TGFBR3: variants seen among roughly 807,000 people sequenced by gnomAD.
TGFBR3 encodes transforming growth factor beta receptor type 3.
TGFBR3 carries 46 observed loss-of-function variants against 87.9 expected under a neutral mutation model. That is an observed-to-expected ratio of 0.52 (90% CI 0.41 to 0.67). TGFBR3 has a LOEUF of 0.67. TGFBR3 is among the 30% of genes least tolerant of loss of function. The probability of loss-of-function intolerance (pLI) is 0.00; values close to 1 mark genes in which losing one functional copy is unlikely to be tolerated. For missense variants in TGFBR3, 866 were observed against 1,041.9 expected (o/e 0.83, Z 2.32); for synonymous variants, 381 against 391.6 (o/e 0.97, Z 0.32).
intron 7 of TGFBR3, 47 bp downstream of exon 7, chr1:91,727,609 ATTG>A (rs1245954384): frequency 8.7e-6 from 14 of 1,608,882 alleles, no homozygotes; most frequent in Non-Finnish European, 1.2e-5. Flanking sequence ...TACAGCTTAA[ATTG>A]TTGTCATTTA....
At chr1:91,697,979 G>C in intron 15 of TGFBR3, 110 bp downstream of exon 15, 1 of 998,560 alleles carries the variant, frequency 1.0e-6, no homozygotes, top group Non-Finnish European at 1.6e-6. Context: ...GGGGGAATGA[G>C]AGCAGAAGTC....
chr1:91,793,805 CAAAAAA>C (rs57943201), intron 3 of TGFBR3, among the ~76,000 whole-genome samples: 22 of 99,052 alleles, frequency 2.2e-4, no homozygotes, highest in African/African-American at 3.7e-4. Flanking sequence ...GACTCTGTCT[CAAAAAA>C]AAAAAAAAAA....
chr1:91,822,421 C>T (rs2450930), intron 2 of TGFBR3, among the ~76,000 whole-genome samples: 151,043 of 152,010 alleles, frequency 0.99, 75,045 homozygotes, highest in Middle Eastern at 1. Flanking sequence ...TTAGAATCAA[C>T]GGGTAATAAT....
At chr1:91,721,888 A>T (rs1379476878) in intron 8 of TGFBR3, 67 bp downstream of exon 8, 7 of 1,438,098 alleles carry the variant, frequency 4.9e-6, no homozygotes, top group Non-Finnish European at 5.8e-6. Flanking sequence ...CTGAAATGAC[A>T]GTTCCTCACT....
intron 3 of TGFBR3, among the ~76,000 whole-genome samples, chr1:91,771,332 C>T (rs1252304384): frequency 6.6e-6 from 1 of 152,018 alleles, no homozygotes; most frequent in African/African-American, 2.4e-5. Context: ...TATATTTTTA[C>T]AGGAATTAAA....
At chr1:91,795,817 T>C (rs1459574968) in intron 3 of TGFBR3, among the ~76,000 whole-genome samples, 1 of 152,202 alleles carries the variant, frequency 6.6e-6, no homozygotes, top group Non-Finnish European at 1.5e-5. Context: ...AAATATGAGT[T>C]GCAGCAACAA....
At chr1:91,828,966 C>T (rs1431840276) in intron 2 of TGFBR3, among the ~76,000 whole-genome samples, 2 of 152,048 alleles carry the variant, frequency 1.3e-5, no homozygotes, top group Non-Finnish European at 2.9e-5. Context: ...TTTTTCTGAC[C>T]ATCTTCCTGG....
chr1:91,839,118 C>G (rs1677172802), intron 2 of TGFBR3, among the ~76,000 whole-genome samples: 1 of 152,150 alleles, frequency 6.6e-6, no homozygotes, highest in Non-Finnish European at 1.5e-5. Context: ...GCTGGGACCA[C>G]AGGCACACAC....
chr1:91,701,068 C>G (rs1384418068), intron 14 of TGFBR3, among the ~76,000 whole-genome samples: 1 of 152,112 alleles, frequency 6.6e-6, no homozygotes, highest in Non-Finnish European at 1.5e-5. Flanking sequence ...CCTAAGGAGA[C>G]CTCCCATGTA....
intron 8 of TGFBR3, among the ~76,000 whole-genome samples, chr1:91,721,441 G>A (rs539306468): frequency 1.6e-4 from 24 of 152,240 alleles, no homozygotes; most frequent in Middle Eastern, 6.8e-3. Flanking sequence ...CAGGTCTAGG[G>A]ATCACAAAAC....
intron 3 of TGFBR3, among the ~76,000 whole-genome samples, chr1:91,786,689 T>G (rs759442517): frequency 6.6e-6 from 1 of 151,324 alleles, no homozygotes; most frequent in Non-Finnish European, 1.5e-5. Flanking sequence ...AGGCGGAGGT[T>G]GCAGTCAACC....
intron 11 of TGFBR3, 41 bp from the exon 12 acceptor site, chr1:91,716,435 T>C (rs370400478): frequency 8.1e-6 from 13 of 1,614,098 alleles, no homozygotes; most frequent in Middle Eastern, 1.7e-4. Flanking sequence ...GACAGTCATA[T>C]GAAGGATGAA....
intron 14 of TGFBR3, among the ~76,000 whole-genome samples, chr1:91,701,682 C>T (rs1398509964): frequency 2.0e-5 from 3 of 152,136 alleles, no homozygotes; most frequent in Non-Finnish European, 4.4e-5. Context: ...CTGACCACAG[C>T]TTTTGGCCTT....
chr1:91,729,285 TACACACACACAC>T (rs72204982), intron 6 of TGFBR3, among the ~76,000 whole-genome samples: 369 of 143,206 alleles, frequency 2.6e-3, no homozygotes, highest in Non-Finnish European at 4.2e-3. Flanking sequence ...TGCATGCGCA[TACACACACACAC>T]ACACACACAC....
intron 2 of TGFBR3, among the ~76,000 whole-genome samples, chr1:91,896,787 G>A (rs1195080481): frequency 1.3e-5 from 2 of 152,042 alleles, no homozygotes; most frequent in South Asian, 2.1e-4. Context: ...GCTGGAAAAC[G>A]CTGGCTATTT....
rs1672192985 is a variant in TGFBR3, at chr1:91,716,785, C to T, written c.1567-77G>A. The stretch of plus-strand genomic sequence containing the variant: ...TGTTTGGTTCTGCCTCACACAAACA[C>T]TCATGTAATCATTCTGATGCAAATT... On this transcript the variant is annotated intron_variant, in intron 10 of 16. Transcript: ENST00000212355. 3.3e-6 allele frequency: 5 copies of T among 1,538,098 alleles called. No homozygotes were observed. The Admixed American group carries it at 6.7e-5, about 21-fold the overall frequency.
At position 91,861,488 on chromosome 1, in the gene TGFBR3, G is replaced by C; in HGVS notation, c.44C>G (p.Ser15Cys). 1 of 1,613,028 alleles carries C rather than the reference G, an allele frequency of 6.2e-7. No individual in the cohort carries two copies. The highest frequency in any genetic ancestry group is 1.7e-5 in the Admixed American group (1 of 60,002). The change falls in exon 2 of 17, where the codon TCC (serine) becomes TGC (cysteine). Residue 15 changes from serine to cysteine, a missense_variant. Ser to Cys is a moderately radical substitution (Grantham distance 112). Coordinates refer to ENST00000212355, the MANE Select transcript of TGFBR3 (RefSeq NM_003243.5). ...CAACTTACCTGCAGTGGCTAAACAGGAGCTCATCAGGGCAAAGATGGCAAT... is the reference window on the plus strand; with the variant it reads ...CAACTTACCTGCAGTGGCTAAACAGCAGCTCATCAGGGCAAAGATGGCAAT... ...YVIAIFALMS[S>C]CLATAGPEPG... is the part of the protein sequence containing the mutation.
rs1472378477 is a variant in TGFBR3 at position 91,727,677 on chromosome 1, C to G, written c.867G>C (p.Lys289Asn). ...AACTTACAATAATTTTCAGGCTTCCCTTAACATCAAAAGATTTGATCACCC... is the reference window on the plus strand; with the variant it reads ...AACTTACAATAATTTTCAGGCTTCCGTTAACATCAAAAGATTTGATCACCC... ...VNWVIKSFDV[K>N]GSLKIIAPNS... is the part of the protein sequence containing the mutation. The change falls in exon 7 of 17, where the codon AAG (lysine) becomes AAC (asparagine). Residue 289 changes from lysine (K) to asparagine (N), a missense_variant. Lys to Asn is a moderately conservative substitution (Grantham distance 94). Transcript: ENST00000212355. 1 of 1,613,992 alleles carries G rather than the reference C, an allele frequency of 6.2e-7. No homozygotes were observed. Among genetic ancestry groups the G allele is most frequent in the Non-Finnish European group, 8.5e-7 (1 of 1,180,018 alleles).
In TGFBR3 at chr1:91,787,524, A is replaced by G. The variant is rs1010338513; in HGVS notation, c.246+9763T>C. Among the ~76,000 whole-genome samples, 3 of 152,162 alleles carry G rather than the reference A, an allele frequency of 2.0e-5. 1 individual carries two copies. Among genetic ancestry groups the G allele is most frequent in the Admixed American group, 2.0e-4 (3 of 15,278 alleles). On this transcript the variant is annotated intron_variant, in intron 3 of 16. Coordinates refer to ENST00000212355, the MANE Select transcript of TGFBR3 (RefSeq NM_003243.5). Reference sequence around the variant, plus strand: ...CTCAAGATGGGACCCAAGAGCCGGGATGCTTCAGCCATCTGACTGTAGTTC... The same window carrying G: ...CTCAAGATGGGACCCAAGAGCCGGGGTGCTTCAGCCATCTGACTGTAGTTC...
Sources: gnomAD v4.1 joint callset for allele counts (sites outside exome capture counted in the v4.1 genomes callset) on GRCh38, gnomAD v4.1.1 for gene constraint, MANE v1.5 for transcripts, NCBI Gene and HGNC (gene_info 2026-07-23, HGNC 2026-07-21) for gene names.